SPMAP2: variants seen among roughly 807,000 people sequenced by gnomAD.
SPMAP2 encodes Theg homolog.
At chr19:371,136 C>T in the SPMAP2 span, 2 of 922,048 alleles carry the variant, frequency 2.2e-6, no homozygotes, top group African/African-American at 1.7e-5. Context: ...AACGCAAAGC[C>T]TCTTTCACTC....
At chr19:367,865 CA>C in the SPMAP2 span, among the ~76,000 whole-genome samples, 1 of 152,044 alleles carries the variant, frequency 6.6e-6, no homozygotes, top group Non-Finnish European at 1.5e-5. Flanking sequence ...GCAATTAGAC[CA>C]TTTTTTTTCT....
the SPMAP2 span, among the ~76,000 whole-genome samples, chr19:365,349 C>G: frequency 6.6e-6 from 1 of 152,312 alleles, no homozygotes; most frequent in Admixed American, 6.5e-5. Flanking sequence ...CTGGAAGAAC[C>G]GTGCCCAGAG....
chr19:372,656 A>G, the SPMAP2 span: 2 of 1,613,930 alleles, frequency 1.2e-6, no homozygotes, highest in South Asian at 1.1e-5. Flanking sequence ...TATTCCAGGT[A>G]GAATCTCTTG....
the SPMAP2 span, chr19:362,523 T>C: frequency 4.1e-6 from 4 of 974,412 alleles, no homozygotes; most frequent in Non-Finnish European, 6.0e-6. Context: ...ATCCCAGCAC[T>C]GTGGAAGGCT....
At chr19:363,850 T>C in the SPMAP2 span, among the ~76,000 whole-genome samples, 2 of 152,014 alleles carry the variant, frequency 1.3e-5, no homozygotes, top group Admixed American at 6.6e-5. Flanking sequence ...TTATTTTATT[T>C]TGAGGCAGGG....
chr19:372,830 G>A, the SPMAP2 span: 1 of 828,928 alleles, frequency 1.2e-6, no homozygotes, highest in Non-Finnish European at 2.0e-6. Context: ...ACTGTGGGCA[G>A]AGACAACTGG....
chr19:375,809 C>T, the SPMAP2 span: 5 of 1,610,046 alleles, frequency 3.1e-6, no homozygotes, highest in Non-Finnish European at 3.4e-6. Context: ...CTGGTCCCAG[C>T]TCTGCATTGT....
At chr19:374,152 T>G in the SPMAP2 span, 1 of 1,480,662 alleles carries the variant, frequency 6.8e-7, no homozygotes, top group Non-Finnish European at 9.3e-7. Context: ...CCTCCTTAAC[T>G]GGCCAACCCC....
At chr19:372,138 G>A in the SPMAP2 span, among the ~76,000 whole-genome samples, 96 of 152,324 alleles carry the variant, frequency 6.3e-4, no homozygotes, top group East Asian at 7.3e-3. Context: ...ACACACTTCC[G>A]CTGTCTACTT....
chr19:372,815 G>T, the SPMAP2 span: 2 of 977,234 alleles, frequency 2.0e-6, no homozygotes, highest in Non-Finnish European at 1.6e-6. Context: ...GGCTGAATTG[G>T]AAGAACTGTG....
chr19:375,488 G>A, the SPMAP2 span, among the ~76,000 whole-genome samples: 229 of 152,212 alleles, frequency 1.5e-3, 3 homozygotes, highest in East Asian at 2.3e-3. Flanking sequence ...GCCGCCAACC[G>A]ACCAAGCCCA....
At chr19:371,195 G>C in the SPMAP2 span, 1 of 1,429,098 alleles carries the variant, frequency 7.0e-7, no homozygotes, top group Non-Finnish European at 9.3e-7. Flanking sequence ...GGGGGGCACG[G>C]GGCACCCACC....
the SPMAP2 span, among the ~76,000 whole-genome samples, chr19:364,153 G>A: frequency 1.3e-5 from 2 of 149,758 alleles, no homozygotes; most frequent in Non-Finnish European, 3.0e-5. Context: ...CTCACACGGT[G>A]AAATCCCATC....
At chr19:364,876 C>A in the SPMAP2 span, among the ~76,000 whole-genome samples, 1 of 152,174 alleles carries the variant, frequency 6.6e-6, no homozygotes, top group South Asian at 2.1e-4. Flanking sequence ...CTGTCCTCTA[C>A]CTTGTCTCTG....
At chr19:371,359 C>CG in the SPMAP2 span, 1 of 1,200,038 alleles carries the variant, frequency 8.3e-7, no homozygotes. Context: ...GCAGCTCGGC[C>CG]GGGGGTGGGG....
At chr19:364,070 ATG>A in the SPMAP2 span, among the ~76,000 whole-genome samples, 1 of 151,550 alleles carries the variant, frequency 6.6e-6, no homozygotes, top group African/African-American at 2.4e-5. Flanking sequence ...GCGGTGGCTC[ATG>A]CCTGTAATCC....
chr19:370,179 T>C, the SPMAP2 span, among the ~76,000 whole-genome samples: 1 of 152,188 alleles, frequency 6.6e-6, no homozygotes, highest in African/African-American at 2.4e-5. Flanking sequence ...CTGAGCTCAA[T>C]CCCGGCCCAG....
chr19:375,272 G>C, the SPMAP2 span, among the ~76,000 whole-genome samples: 1,007 of 151,930 alleles, frequency 6.6e-3, 4 homozygotes, highest in African/African-American at 0.023. Context: ...GCTTAGAATG[G>C]TTTCAACTTT....
chr19:373,682 G>T, the SPMAP2 span: 1 of 718,924 alleles, frequency 1.4e-6, no homozygotes, highest in Non-Finnish European at 2.4e-6. Flanking sequence ...GGGGGGGCCG[G>T]CGGGACGCGT....
Sources: allele counts gnomAD v4.1 joint callset (sites outside exome capture counted in the v4.1 genomes callset), GRCh38; gene constraint gnomAD v4.1.1; transcripts MANE v1.5; gene names NCBI Gene and HGNC (gene_info 2026-07-23, HGNC 2026-07-21).